ST7: variants seen among roughly 807,000 people sequenced by gnomAD.
ST7 encodes the protein suppressor of tumorigenicity 7 protein.
Under a neutral mutation model 78.7 loss-of-function variants are expected in ST7, and 28 were observed. The ratio of observed to expected loss-of-function variants is 0.36; its 90% CI spans 0.26 to 0.49. ST7 has a LOEUF of 0.49. ST7 is among the 20% of genes least tolerant of loss of function. ST7 has a pLI of 0.99. For missense variants in ST7, 418 were observed against 696.0 expected (o/e 0.60, Z 4.49); for synonymous variants, 247 against 249.6 (o/e 0.99, Z 0.10).
intron 1 of ST7, among the ~76,000 whole-genome samples, chr7:117,033,268 C>G (rs1796696775): frequency 6.6e-6 from 1 of 151,924 alleles, no homozygotes; most frequent in African/African-American, 2.4e-5. Context: ...GTACAAATGG[C>G]AAATAATGAG....
At chr7:117,065,875 C>G (rs1798608861) in intron 1 of ST7, among the ~76,000 whole-genome samples, 1 of 152,186 alleles carries the variant, frequency 6.6e-6, no homozygotes, top group East Asian at 1.9e-4. Flanking sequence ...CACGTTCTGG[C>G]TCCTGCTTAC....
chr7:117,196,850 T>G (rs936135131), intron 12 of ST7, among the ~76,000 whole-genome samples: 4 of 152,124 alleles, frequency 2.6e-5, no homozygotes, highest in African/African-American at 9.7e-5. Flanking sequence ...TGGTGTCATA[T>G]CTAAGAAATC....
intron 1 of ST7, among the ~76,000 whole-genome samples, chr7:117,068,216 A>T (rs1158330041): frequency 6.6e-6 from 1 of 152,154 alleles, no homozygotes; most frequent in Non-Finnish European, 1.5e-5. Context: ...AAAATAATGA[A>T]TCATATATTT....
intron 1 of ST7, among the ~76,000 whole-genome samples, chr7:117,078,513 T>A (rs1799522633): frequency 6.6e-6 from 1 of 152,230 alleles, no homozygotes; most frequent in African/African-American, 2.4e-5. Flanking sequence ...TATGCTATTA[T>A]CAATTTGTTA....
chr7:117,159,999 C>G (rs1248107491), intron 9 of ST7, among the ~76,000 whole-genome samples: 1 of 151,910 alleles, frequency 6.6e-6, no homozygotes, highest in Non-Finnish European at 1.5e-5. Flanking sequence ...ATCAGGAGTT[C>G]GAGACCATCC....
intron 1 of ST7, among the ~76,000 whole-genome samples, chr7:117,010,373 C>G (rs986708032): frequency 6.6e-6 from 1 of 152,204 alleles, no homozygotes; most frequent in Admixed American, 6.5e-5. Context: ...TCTTCTGCAT[C>G]CAGATAATCC....
At chr7:116,996,727 C>T (rs1794677559) in intron 1 of ST7, among the ~76,000 whole-genome samples, 1 of 152,168 alleles carries the variant, frequency 6.6e-6, no homozygotes, top group African/African-American at 2.4e-5. Flanking sequence ...ATGAATAACT[C>T]CCTTTTGCCA....
intron 1 of ST7, among the ~76,000 whole-genome samples, chr7:117,001,894 G>A (rs1359776994): frequency 6.6e-6 from 1 of 152,142 alleles, no homozygotes; most frequent in African/African-American, 2.4e-5. Context: ...AAAGTACATG[G>A]ACAAGACATT....
At chr7:117,129,617 G>C (rs572311303) in intron 3 of ST7, among the ~76,000 whole-genome samples, 176 bp from the exon 4 acceptor site, 1 of 151,816 alleles carries the variant, frequency 6.6e-6, no homozygotes, top group South Asian at 2.1e-4. Flanking sequence ...CAAAGTCCCG[G>C]AGCCTGAGCC....
At chr7:117,035,185 A>G (rs1413301189) in intron 1 of ST7, among the ~76,000 whole-genome samples, 1 of 146,254 alleles carries the variant, frequency 6.8e-6, no homozygotes. Flanking sequence ...GGGTCTTCAT[A>G]TGCTCTGGAA....
chr7:117,065,133 G>A (rs1177689260), intron 1 of ST7, among the ~76,000 whole-genome samples: 1 of 151,802 alleles, frequency 6.6e-6, no homozygotes, highest in Non-Finnish European at 1.5e-5. Context: ...GACTCAGTGA[G>A]GAAGCATTTG....
chr7:117,150,467 C>T (rs887541670), intron 9 of ST7, among the ~76,000 whole-genome samples: 1 of 152,140 alleles, frequency 6.6e-6, no homozygotes, highest in Non-Finnish European at 1.5e-5. Context: ...TCAGTTGTAA[C>T]CTCTTTTCAG....
chr7:117,189,317 A>C lies in ST7; in HGVS notation c.1079-4A>C, dbSNP rs1476384410. ...TGTGTTCCTACTTTCTTTTTCTCCAACAGATATAAGCTTACCAAAGTCAGC... is the reference window on the plus strand; with the variant it reads ...TGTGTTCCTACTTTCTTTTTCTCCACCAGATATAAGCTTACCAAAGTCAGC... On this transcript the variant is annotated splice_polypyrimidine_tract_variant and splice_region_variant and intron_variant, in intron 10 of 15. Coordinates refer to ENST00000323984, the MANE Select transcript of ST7 (RefSeq NM_001369598.1). 1 of 1,597,256 alleles carries C rather than the reference A, an allele frequency of 6.3e-7. No individual in the cohort carries two copies. Among genetic ancestry groups the C allele is most frequent in the Non-Finnish European group, 8.5e-7 (1 of 1,169,976 alleles).
At chr7:117,000,628 G>A (rs113910378) in intron 1 of ST7, among the ~76,000 whole-genome samples, 1,716 of 152,294 alleles carry the variant, frequency 0.011, 27 homozygotes, top group African/African-American at 0.038. Context: ...CAAAGTAATT[G>A]CATTATTAGG....
intron 1 of ST7, among the ~76,000 whole-genome samples, chr7:116,967,006 T>C (rs1198437947): frequency 1.3e-5 from 2 of 152,228 alleles, no homozygotes; most frequent in African/African-American, 4.8e-5. Flanking sequence ...ATGTATCACT[T>C]GTTACTTTCA....
intron 1 of ST7, among the ~76,000 whole-genome samples, chr7:117,087,837 C>T (rs1199013449): frequency 6.6e-6 from 1 of 152,186 alleles, no homozygotes; most frequent in African/African-American, 2.4e-5. Context: ...CTGATATGCT[C>T]AACTCCCCTC....
intron 1 of ST7, among the ~76,000 whole-genome samples, chr7:117,024,292 G>A (rs1169009165): frequency 6.6e-6 from 1 of 152,030 alleles, no homozygotes; most frequent in Non-Finnish European, 1.5e-5. Flanking sequence ...CTGACATCTG[G>A]TTACATCCTC....
intron 1 of ST7, among the ~76,000 whole-genome samples, chr7:117,096,900 T>A (rs1002387512): frequency 3.9e-5 from 6 of 152,360 alleles, no homozygotes; most frequent in African/African-American, 1.4e-4. Context: ...CTCCATTTAT[T>A]TTAATGCCTA....
intron 1 of ST7, among the ~76,000 whole-genome samples, chr7:116,964,011 C>G (rs1792971691): frequency 6.6e-6 from 1 of 152,124 alleles, no homozygotes; most frequent in Non-Finnish European, 1.5e-5. Flanking sequence ...TTAAAGGCAT[C>G]TCTTAGGTCA....
Sources: allele counts gnomAD v4.1 joint callset (sites outside exome capture counted in the v4.1 genomes callset), GRCh38; gene constraint gnomAD v4.1.1; transcripts MANE v1.5; gene names NCBI Gene and HGNC (gene_info 2026-07-23, HGNC 2026-07-21).